The following PKD1 variants were observed in gnomAD, a reference collection of about 807,000 sequenced individuals.
PKD1 encodes the protein polycystin 1, transient receptor potential channel interacting.
A neutral mutation model predicts 361.7 loss-of-function variants in PKD1; 81 were observed. The observed-to-expected ratio is 0.22, with a 90% CI of 0.19 to 0.27. The LOEUF (loss-of-function observed/expected upper bound fraction) is 0.27. PKD1 is among the 10% of genes least tolerant of loss of function. PKD1 has a pLI of 1.00. For missense variants in PKD1, 6,399 were observed against 6,118.3 expected (o/e 1.05, Z -1.53); for synonymous variants, 3,615 against 2,818.3 (o/e 1.28, Z -8.95).
intron 12 of PKD1, 37 bp downstream of exon 12, chr16:2,113,124 G>A (rs1292979659): frequency 1.4e-4 from 22 of 153,734 alleles, no homozygotes; most frequent in South Asian, 5.9e-4. Flanking sequence ...GCCCTGCCCC[G>A]CCCCATCCCC....
Position 2,093,528 on chromosome 16 carries a change from C to T in PKD1, c.11016+16G>A. ...GAGACGGAGGTGGCAGGGGCACAGG[C>T]CGCACCCAGGCTCACCCGCAGCATG... On this transcript the variant is annotated intron_variant, in intron 37 of 45. Transcript: ENST00000262304. 4 of 1,586,170 alleles carry T rather than the reference C, an allele frequency of 2.5e-6. No homozygotes were observed. Among genetic ancestry groups the T allele is most frequent in the Non-Finnish European group, 2.6e-6 (3 of 1,166,222 alleles).
Position 2,118,283 on chromosome 16 carries a change from G to C in PKD1, c.709C>G (p.Pro237Ala), listed in dbSNP as rs1350910449. ...QGWCLCGAAQ[P>A]SSASFACLSL... ...AGGCAGGCAAAGGAGGCACTGGAGGGCTGGGCCGCCCCACACAGGCACCAG... is the reference window on the plus strand; with the variant it reads ...AGGCAGGCAAAGGAGGCACTGGAGGCCTGGGCCGCCCCACACAGGCACCAG... Residue 237 changes from proline (P) to alanine (A), a missense_variant, in exon 5 of 46, where the codon CCC becomes GCC. Physicochemically the swap from Pro to Ala is conservative, Grantham distance 27. Coordinates refer to ENST00000262304, the MANE Select transcript of PKD1 (RefSeq NM_001009944.3). This position sits in a 1 kb window ranked among gnomAD's most constrained non-coding sequence, Gnocchi z 6.0. 3.3e-6 allele frequency: 5 copies of C among 1,530,930 alleles called. No homozygotes were observed. Among genetic ancestry groups the C allele is most frequent in the Non-Finnish European group, 4.4e-6 (5 of 1,143,708 alleles). 94.8% of individuals were successfully genotyped at this position (1,530,930 alleles called of 1,614,324 possible).
Position 2,104,523 on chromosome 16 carries a change from G to A in PKD1, c.8136C>T (p.Ile2712=), listed in dbSNP as rs754894798. 2.1e-4 allele frequency: 325 copies of A among 1,557,892 alleles called. No individual in the cohort carries two copies. Among genetic ancestry groups the A allele is most frequent in the East Asian group, 5.3e-4 (23 of 43,110 alleles). ...CTGTGATGTTGAGGATGCTGTCTCC[G>A]ATGGCGGTGGGCGTCACGGTGCCCG... The part of the protein sequence containing the change: ...TTAGTVTPTA[I]GDSILNITGD... The change falls in exon 22 of 46, where the codon ATC becomes ATT. Residue 2712 remains isoleucine (I), a synonymous_variant. Transcript: ENST00000262304.
Position 2,090,396 on chromosome 16 carries a change from G to C in PKD1, c.12333C>G (p.His4111Gln). ...GCCGGTACAGCTCTCCACGCAAGGC[G>C]TGGTAGCGCCAGCGGAGAATAACAG... The part of the protein sequence containing the change: ...LGAVILRWRY[H>Q]ALRGELYRPA... Residue 4111 changes from histidine (H) to glutamine (Q), a missense_variant, in exon 45 of 46, where the codon CAC becomes CAG. Physicochemically the swap from His to Gln is conservative, Grantham distance 24. Coordinates refer to ENST00000262304, the MANE Select transcript of PKD1 (RefSeq NM_001009944.3). The C allele has an allele frequency of 6.2e-7, 1 of 1,612,686 alleles. No homozygotes were observed.
Position 2,118,830 on chromosome 16 carries a change from G to T in PKD1, c.375C>A (p.Asn125Lys). The change falls in exon 4 of 46, where the codon AAC (asparagine) becomes AAA (lysine). Residue 125 changes from asparagine (N) to lysine (K), a missense_variant. Asn to Lys is a moderately conservative substitution (Grantham distance 94). Coordinates refer to ENST00000262304, the MANE Select transcript of PKD1 (RefSeq NM_001009944.3). The surrounding 1 kb of genome is among the most constrained non-coding windows in gnomAD (Gnocchi z 6.0). ...CCAGGCCACAGTCACACTCAAACGG[G>T]TTCCCACTCAGGTTTCTGCAGGGCA... ...FNLSEINLSGNPFECDCGLAW... is the reference protein window; with the variant it reads ...FNLSEINLSGKPFECDCGLAW... 1 of 1,595,396 alleles carries T rather than the reference G, an allele frequency of 6.3e-7. No homozygotes were observed. Among genetic ancestry groups the T allele is most frequent in the Non-Finnish European group, 8.5e-7 (1 of 1,178,728 alleles).
intron 1 of PKD1, among the ~76,000 whole-genome samples, chr16:2,127,216 C>T (rs1246932677): frequency 6.6e-6 from 1 of 152,236 alleles, no homozygotes; most frequent in Non-Finnish European, 1.5e-5. Flanking sequence ...CTGAGCGGAA[C>T]TCAGGCAGTG....
At chr16:2,092,286 C>T (rs915006727) in intron 39 of PKD1, 98 bp from the exon 40 acceptor site, 2 of 1,343,470 alleles carry the variant, frequency 1.5e-6, no homozygotes, top group African/African-American at 2.9e-5. Flanking sequence ...GGTTCGGCGC[C>T]ACCCCAGGGA....
At chr16:2,097,072 G>C in intron 34 of PKD1, 76 bp downstream of exon 34, 8 of 569,748 alleles carry the variant, frequency 1.4e-5, no homozygotes, top group Admixed American at 4.7e-5. Context: ...TACCCCAGGC[G>C]GGAACCACGG....
chr16:2,111,263 C>G lies in PKD1; in HGVS notation c.3904G>C (p.Ala1302Pro), dbSNP rs139993510. ...TCAGGCTGCGTGGGGATGCAGGCGG[C>G]GGGTTCAACGCGCAGCACCTCCAGG... ...FVLEVLRVEPAACIPTQPDAR... is the reference protein window; with the variant it reads ...FVLEVLRVEPPACIPTQPDAR... Residue 1302 changes from alanine (A) to proline (P), a missense_variant, in exon 15 of 46, where the codon GCC (alanine) becomes CCC (proline). Physicochemically the swap from Ala to Pro is conservative, Grantham distance 27. Coordinates refer to ENST00000262304, the MANE Select transcript of PKD1 (RefSeq NM_001009944.3). 1 of 1,609,772 alleles carries G rather than the reference C, an allele frequency of 6.2e-7. No individual in the cohort carries two copies. The highest frequency in any genetic ancestry group is 8.5e-7 in the Non-Finnish European group (1 of 1,179,544).
chr16:2,122,659 G>A (rs1242495839), intron 1 of PKD1, among the ~76,000 whole-genome samples: 3 of 152,248 alleles, frequency 2.0e-5, no homozygotes, highest in African/African-American at 4.8e-5. Context: ...GCCCGAGGGG[G>A]AACACTGTGC....
chr16:2,117,292 C>T (rs888998633), intron 6 of PKD1, among the ~76,000 whole-genome samples, 197 bp downstream of exon 6: 9 of 152,190 alleles, frequency 5.9e-5, no homozygotes, highest in Non-Finnish European at 1.0e-4. Context: ...CAGGAGTGTC[C>T]GGAGGCTGCC....
At position 2,090,121 on chromosome 16, in the gene PKD1, G is replaced by T. The variant is rs778397103; in HGVS notation, c.12518C>A (p.Pro4173Gln). The change falls in exon 46 of 46, where the codon CCG becomes CAG. Residue 4173 changes from proline (P) to glutamine (Q), a missense_variant. Pro to Gln is a moderately conservative substitution (Grantham distance 76). Transcript: ENST00000262304. Reference sequence around the variant, plus strand: ...GCCAGCGCTGGGTGGGGGCACATCCGGGGATACCTTGGAGCCCCTGGAGGA... The same window carrying T: ...GCCAGCGCTGGGTGGGGGCACATCCTGGGATACCTTGGAGCCCCTGGAGGA... ...SRSSRGSKVS[P>Q]DVPPPSAGSD... The T allele has an allele frequency of 6.9e-6, 11 of 1,600,036 alleles. No homozygotes were observed. In the East Asian group the frequency reaches 2.5e-4, roughly 36 times the overall value.
chr16:2,116,730 C>G (rs555928759), intron 7 of PKD1, 86 bp from the exon 8 acceptor site: 3 of 1,153,920 alleles, frequency 2.6e-6, no homozygotes, highest in Non-Finnish European at 3.7e-6. Context: ...GCCCGAAAAC[C>G]CCCCCACCAG....
intron 1 of PKD1, among the ~76,000 whole-genome samples, chr16:2,134,814 A>G (rs2092930711): frequency 6.7e-6 from 1 of 148,740 alleles, no homozygotes; most frequent in Non-Finnish European, 1.5e-5. Context: ...GAAAGCGAAC[A>G]TGACAAGGCT....
chr16:2,114,840 T>C lies in PKD1; in HGVS notation c.2183A>G (p.His728Arg), dbSNP rs1050939771. The C allele has an allele frequency of 3.0e-5, 43 of 1,442,674 alleles. No individual in the cohort carries two copies. Among genetic ancestry groups the C allele is most frequent in the Admixed American group, 9.8e-5 (5 of 50,868 alleles). 89.4% of individuals were successfully genotyped at this position (1,442,674 alleles called of 1,614,324 possible). ...QHDAGPGALLHCSPAPGHPGP... is the reference protein window; with the variant it reads ...QHDAGPGALLRCSPAPGHPGP... ...AGGGTGGCCGGGAGCCGGCGAGCAG[T>C]GCAGGAGGGCGCCAGGGCCAGCGTC... Residue 728 changes from histidine (H) to arginine (R), a missense_variant, in exon 11 of 46, where the codon CAC (histidine) becomes CGC (arginine). Coordinates refer to ENST00000262304, the MANE Select transcript of PKD1 (RefSeq NM_001009944.3).
At chr16:2,117,361 C>A in intron 6 of PKD1, 128 bp downstream of exon 6, 1 of 689,630 alleles carries the variant, frequency 1.5e-6, no homozygotes, top group South Asian at 1.9e-5. Context: ...CACCGGCCGG[C>A]GCCACCTGCT....
intron 23 of PKD1, 33 bp downstream of exon 23, chr16:2,103,233 G>C (rs779633654): frequency 1.2e-6 from 2 of 1,604,192 alleles, no homozygotes; most frequent in Non-Finnish European, 1.7e-6. Context: ...AACAAGGCCA[G>C]GGGGCCGCGT....
Position 2,090,385 on chromosome 16 carries a change from C to T in PKD1, c.12344G>A (p.Gly4115Glu). Residue 4115 changes from glycine (G) to glutamate (E), a missense_variant, in exon 45 of 46, where the codon GGA becomes GAA. Transcript: ENST00000262304. ...CTCCCAGGCCGGCCGGTACAGCTCT[C>T]CACGCAAGGCGTGGTAGCGCCAGCG... ...ILRWRYHALRGELYRPAWEPQ... is the reference protein window; with the variant it reads ...ILRWRYHALREELYRPAWEPQ... 6.2e-7 allele frequency: 1 copy of T among 1,612,702 alleles called. No individual in the cohort carries two copies. The highest frequency in any genetic ancestry group is 8.5e-7 in the Non-Finnish European group (1 of 1,179,930).
At chr16:2,104,823 C>T (rs1013292206) in intron 21 of PKD1, among the ~76,000 whole-genome samples, 181 bp from the exon 22 acceptor site, 1 of 139,622 alleles carries the variant, frequency 7.2e-6, no homozygotes, top group Non-Finnish European at 1.5e-5. Context: ...CCCAGGGCCT[C>T]CACCTGGGGA....
Sources: gnomAD v4.1 joint callset for allele counts (sites outside exome capture counted in the v4.1 genomes callset) on GRCh38, gnomAD v4.1.1 for gene constraint, Gnocchi (gnomAD v3.1) non-coding constraint, MANE v1.5 for transcripts, NCBI Gene and HGNC (gene_info 2026-07-23, HGNC 2026-07-21) for gene names.